The following ZNF420 variants were observed in gnomAD, a reference collection of about 807,000 sequenced individuals.
ZNF420 encodes ATM and p53-associated KZNF protein.
Under a neutral mutation model 44.7 loss-of-function variants are expected in ZNF420, and 31 were observed. That is an observed-to-expected ratio of 0.69 (90% CI 0.52 to 0.94). The LOEUF (loss-of-function observed/expected upper bound fraction) is 0.94. Ranked by LOEUF, ZNF420 falls within the 40% of genes least tolerant of loss-of-function variation. ZNF420 has a pLI of 0.00. For missense variants in ZNF420, 681 were observed against 827.9 expected (o/e 0.82, Z 2.18); for synonymous variants, 245 against 267.4 (o/e 0.92, Z 0.82).
At chr19:37,085,412 C>G (rs753213246) in intron 2 of ZNF420, among the ~76,000 whole-genome samples, 1 of 152,170 alleles carries the variant, frequency 6.6e-6, no homozygotes, top group Non-Finnish European at 1.5e-5. Flanking sequence ...CTGACTCTTG[C>G]TAAAATCCTA....
intron 2 of ZNF420, among the ~76,000 whole-genome samples, chr19:37,088,255 A>G (rs1968943930): frequency 6.6e-6 from 1 of 152,244 alleles, no homozygotes; most frequent in Non-Finnish European, 1.5e-5. Context: ...CATACCTGGA[A>G]AAAATGTGTT....
chr19:37,083,009 C>T (rs914197117), intron 2 of ZNF420, among the ~76,000 whole-genome samples: 4 of 151,226 alleles, frequency 2.6e-5, no homozygotes, highest in South Asian at 2.1e-4. Flanking sequence ...TACAGGCACG[C>T]GCCACCATGC....
At position 37,053,595 on chromosome 19, in the gene ZNF420, G is replaced by A. The variant is rs540244127; in HGVS notation, c.-124-26750G>A. On this transcript the variant is annotated intron_variant, in intron 1 of 4. Coordinates refer to the ZNF420 transcript ENST00000587029. ...CTTCTAACAGTCAGGACCCTCAGCTGCAGGTCTGTTGGACTTTGCTGGAGG... is the reference window on the plus strand; with the variant it reads ...CTTCTAACAGTCAGGACCCTCAGCTACAGGTCTGTTGGACTTTGCTGGAGG... 3.9e-5 allele frequency among the ~76,000 whole-genome samples: 6 copies of A among 152,356 alleles called. No individual in the cohort carries two copies. In the South Asian group the frequency reaches 1.2e-3, roughly 32 times the overall value.
intron 1 of ZNF420, among the ~76,000 whole-genome samples, chr19:37,028,929 G>C (rs1967201460): frequency 2.4e-5 from 1 of 41,040 alleles, no homozygotes; most frequent in South Asian, 1.4e-3. Flanking sequence ...AGAGGAGAGT[G>C]AACTTAGGTG....
At chr19:37,048,809 T>A (rs1967588324) in intron 1 of ZNF420, among the ~76,000 whole-genome samples, 1 of 152,146 alleles carries the variant, frequency 6.6e-6, no homozygotes, top group Non-Finnish European at 1.5e-5. Context: ...GTTGGTGTGC[T>A]GCACCCATTA....
chr19:37,114,268 G>A lies in ZNF420; in HGVS notation c.137-12860G>A, dbSNP rs190095075. Among the ~76,000 whole-genome samples the A allele has an allele frequency of 1.4e-3, 214 of 152,274 alleles. 3 individuals carry two copies. The highest frequency in any genetic ancestry group is 4.9e-3 in the African/African-American group (205 of 41,552). On this transcript the variant is annotated intron_variant, in intron 4 of 4. Transcript: ENST00000337995. ...ATATAGCGCCCTGCCCTGTGGTGCT[G>A]GAAACATTCCTGGCTGTCCATACTG...
rs376349051 is a variant in ZNF420, at chr19:37,127,897, C to T, written c.906C>T (p.Thr302=). 1.5e-4 allele frequency: 246 copies of T among 1,613,272 alleles called. 1 individual carries two copies. The highest frequency in any genetic ancestry group is 7.1e-4 in the East Asian group (32 of 44,784). The change falls in exon 5 of 5, where the codon ACC becomes ACT. Residue 302 remains threonine (T), a synonymous_variant. Transcript: ENST00000337995. The part of the protein sequence containing the change: ...SQLILHKRIH[T]GEKPYECKEC... ...TTATTCTGCATAAGAGAATTCATAC[C>T]GGTGAGAAACCCTATGAATGTAAGG...
chr19:37,125,209 AG>A (rs1440221738), intron 4 of ZNF420, among the ~76,000 whole-genome samples: 1 of 152,212 alleles, frequency 6.6e-6, no homozygotes, highest in Non-Finnish European at 1.5e-5. Flanking sequence ...ATAGACCTGT[AG>A]TAGTGCCTGG....
At chr19:37,044,778 G>A (rs1294266090) in intron 1 of ZNF420, among the ~76,000 whole-genome samples, 1 of 151,996 alleles carries the variant, frequency 6.6e-6, no homozygotes, top group Non-Finnish European at 1.5e-5. Context: ...GCAATGAGCC[G>A]AGATCGCACC....
chr19:37,028,285 A>G (rs946769317), intron 1 of ZNF420, among the ~76,000 whole-genome samples: 1 of 152,212 alleles, frequency 6.6e-6, no homozygotes, highest in Non-Finnish European at 1.5e-5. Context: ...AGGAAGCTGC[A>G]GTCAGGGATG....
At chr19:37,118,148 A>T (rs993766212) in intron 4 of ZNF420, among the ~76,000 whole-genome samples, 6 of 152,200 alleles carry the variant, frequency 3.9e-5, no homozygotes, top group African/African-American at 1.4e-4. Context: ...TCTCGAGAAG[A>T]GCAACTCCAA....
At chr19:37,099,112 T>C (rs1969619365) in intron 4 of ZNF420, among the ~76,000 whole-genome samples, 1 of 152,254 alleles carries the variant, frequency 6.6e-6, no homozygotes, top group Non-Finnish European at 1.5e-5. Flanking sequence ...GTCCATGTTA[T>C]TGCTATTGTG....
intron 1 of ZNF420, among the ~76,000 whole-genome samples, chr19:37,063,064 G>C (rs946949152): frequency 6.7e-6 from 1 of 149,342 alleles, no homozygotes; most frequent in Non-Finnish European, 1.5e-5. Context: ...ATATTTTTAA[G>C]CTAGCTGCAT....
intron 4 of ZNF420, among the ~76,000 whole-genome samples, chr19:37,115,838 G>A (rs1042135310): frequency 3.9e-5 from 6 of 152,068 alleles, no homozygotes; most frequent in Non-Finnish European, 8.8e-5. Context: ...ACAATACCTG[G>A]CTTTCCTAGG....
At chr19:37,116,026 G>A (rs1339567334) in intron 4 of ZNF420, among the ~76,000 whole-genome samples, 1 of 152,162 alleles carries the variant, frequency 6.6e-6, no homozygotes, top group African/African-American at 2.4e-5. Flanking sequence ...GGGAGCACAA[G>A]GTTGGGGGTA....
chr19:37,021,301 C>G (rs2146383282), intron 1 of ZNF420, among the ~76,000 whole-genome samples: 1 of 152,230 alleles, frequency 6.6e-6, no homozygotes, highest in South Asian at 2.1e-4. Context: ...AAGTTTCACT[C>G]TTGTTGCCCA....
chr19:37,040,132 A>G (rs1337741241), intron 1 of ZNF420, among the ~76,000 whole-genome samples: 2 of 152,184 alleles, frequency 1.3e-5, no homozygotes, highest in Admixed American at 1.3e-4. Flanking sequence ...TTGACAATCC[A>G]TTGTTCAGTA....
intron 4 of ZNF420, among the ~76,000 whole-genome samples, chr19:37,097,235 T>C (rs921267349): frequency 6.6e-6 from 1 of 152,304 alleles, no homozygotes; most frequent in South Asian, 2.1e-4. Context: ...TACATTTTGT[T>C]TATAATATGA....
intron 1 of ZNF420, among the ~76,000 whole-genome samples, chr19:37,071,980 T>C (rs1968066612): frequency 6.6e-6 from 1 of 152,162 alleles, no homozygotes; most frequent in Admixed American, 6.5e-5. Flanking sequence ...TTAAATTCTT[T>C]TGGTAGGTCA....
Sources: allele counts gnomAD v4.1 joint callset (sites outside exome capture counted in the v4.1 genomes callset), GRCh38; gene constraint gnomAD v4.1.1; transcripts MANE v1.5; gene names NCBI Gene and HGNC (gene_info 2026-07-23, HGNC 2026-07-21).